The following ZUP1 variants were observed in gnomAD, a reference collection of about 807,000 sequenced individuals.
ZUP1 encodes the protein zinc finger containing ubiquitin peptidase 1.
A neutral mutation model predicts 68.1 loss-of-function variants in ZUP1; 55 were observed. The ratio of observed to expected loss-of-function variants is 0.81; its 90% confidence interval spans 0.65 to 1.01. The LOEUF is 1.01. Among genes scored for constraint, ZUP1 ranks in the 50% least tolerant of loss-of-function variants. The probability of loss-of-function intolerance (pLI) is 0.00; values close to 1 mark genes in which losing one functional copy is unlikely to be tolerated. For missense variants in ZUP1, 684 were observed against 674.9 expected, an observed-to-expected ratio of 1.01 and a Z score of -0.15; for synonymous variants, 223 against 221.5, an observed-to-expected ratio of 1.01 and a Z score of -0.06.
At chr6:116,655,903 A>G (rs1441440733) in intron 5 of ZUP1, among the ~76,000 whole-genome samples, 1 of 152,188 alleles carries the variant, frequency 6.6e-6, no homozygotes, top group Non-Finnish European at 1.5e-5. Flanking sequence ...TGGCTGCCCA[A>G]TTGAGTTGTG....
At chr6:116,656,244 T>A (rs1166527859) in intron 5 of ZUP1, among the ~76,000 whole-genome samples, 1 of 152,044 alleles carries the variant, frequency 6.6e-6, no homozygotes, top group Non-Finnish European at 1.5e-5. Flanking sequence ...CACGCCCAGC[T>A]AATTTTGTAA....
At chr6:116,659,623 A>T (rs1442904183) in intron 3 of ZUP1, among the ~76,000 whole-genome samples, 2 of 147,586 alleles carry the variant, frequency 1.4e-5, no homozygotes, top group Non-Finnish European at 2.9e-5. Flanking sequence ...AGGGGAGAAA[A>T]AAAAAAAAAT....
intron 2 of ZUP1, 34 bp downstream of exon 2, chr6:116,666,600 A>G (rs780028020): frequency 6.7e-7 from 1 of 1,497,492 alleles, no homozygotes; most frequent in Admixed American, 2.3e-5. Flanking sequence ...TTGAGGCTGT[A>G]AACTTATAAT....
chr6:116,636,037 G>T (rs1775902678), intron 9 of ZUP1, among the ~76,000 whole-genome samples, 158 bp from the exon 10 acceptor site: 2 of 151,706 alleles, frequency 1.3e-5, no homozygotes, highest in South Asian at 4.2e-4. Context: ...CTGAAATTAG[G>T]AATAAACATT....
intron 9 of ZUP1, among the ~76,000 whole-genome samples, chr6:116,638,830 T>C (rs765824675): frequency 6.6e-6 from 1 of 152,116 alleles, no homozygotes; most frequent in Non-Finnish European, 1.5e-5. Flanking sequence ...TGCCAGACAG[T>C]GGGCGCAGGA....
intron 3 of ZUP1, among the ~76,000 whole-genome samples, chr6:116,659,160 GCT>G (rs764110145): frequency 4.6e-5 from 7 of 151,978 alleles, no homozygotes; most frequent in Non-Finnish European, 1.0e-4. Context: ...ACGGAGTTTC[GCT>G]CTTATTGCCC....
intron 8 of ZUP1, 105 bp from the exon 9 acceptor site, chr6:116,646,039 TAC>T: frequency 5.2e-6 from 4 of 767,628 alleles, no homozygotes; most frequent in East Asian, 2.7e-5. Context: ...AGAATATAAA[TAC>T]AGTCAGACTC....
chr6:116,651,958 A>G, intron 6 of ZUP1, 46 bp downstream of exon 6: 1 of 1,569,854 alleles, frequency 6.4e-7, no homozygotes, highest in Non-Finnish European at 8.7e-7. Context: ...TCTATATCAT[A>G]TGTATTTTAT....
At chr6:116,636,786 A>G (rs980088945) in intron 9 of ZUP1, among the ~76,000 whole-genome samples, 3 of 152,184 alleles carry the variant, frequency 2.0e-5, no homozygotes, top group African/African-American at 7.2e-5. Context: ...ACCATAAACT[A>G]TCATATTTGT....
At chr6:116,639,466 C>T (rs1172962365) in intron 9 of ZUP1, among the ~76,000 whole-genome samples, 15 of 152,310 alleles carry the variant, frequency 9.8e-5, no homozygotes, top group Middle Eastern at 3.4e-3. Context: ...ACACCTCACA[C>T]GGCCGGGTAC....
At chr6:116,641,549 T>G (rs1248640224) in intron 9 of ZUP1, among the ~76,000 whole-genome samples, 1 of 151,484 alleles carries the variant, frequency 6.6e-6, no homozygotes, top group Non-Finnish European at 1.5e-5. Flanking sequence ...TCAAAACCAC[T>G]CAACTACATG....
At position 116,635,791 on chromosome 6, in the gene ZUP1, G is replaced by A. The variant is rs1775895246; in HGVS notation, c.*41C>T. On this transcript the variant is annotated 3_prime_UTR_variant, in exon 10 of 10. Coordinates refer to ENST00000368576, the MANE Select transcript of ZUP1 (RefSeq NM_145062.3). Reference sequence around the variant, plus strand: ...TCAATATCTACATTTAGAAAACAAAGTATTGTTCTCAATCACTGAAATGCT... The same window carrying A: ...TCAATATCTACATTTAGAAAACAAAATATTGTTCTCAATCACTGAAATGCT... 2 of 1,527,932 alleles carry A rather than the reference G, an allele frequency of 1.3e-6. No individual in the cohort carries two copies. Among genetic ancestry groups the A allele is most frequent in the South Asian group, 2.4e-5 (2 of 82,690 alleles). 94.6% of individuals were successfully genotyped at this position (1,527,932 alleles called of 1,614,324 possible).
chr6:116,645,562 A>G (rs1194525725), intron 9 of ZUP1, 152 bp downstream of exon 9: 1 of 610,330 alleles, frequency 1.6e-6, no homozygotes, highest in Non-Finnish European at 2.7e-6. Context: ...AGGCCTGGTC[A>G]ACAGAGTGAG....
At chr6:116,655,878 C>T (rs921425223) in intron 5 of ZUP1, among the ~76,000 whole-genome samples, 2 of 152,048 alleles carry the variant, frequency 1.3e-5, no homozygotes, top group East Asian at 1.9e-4. Flanking sequence ...TTGTGGCTAT[C>T]GAGAATTTGA....
At chr6:116,660,008 A>G (rs896290737) in intron 3 of ZUP1, among the ~76,000 whole-genome samples, 16 of 152,208 alleles carry the variant, frequency 1.1e-4, no homozygotes, top group African/African-American at 3.9e-4. Flanking sequence ...ATAGGTTTAC[A>G]CTGTAATATA....
intron 3 of ZUP1, among the ~76,000 whole-genome samples, chr6:116,659,160 G>A (rs575504164): frequency 6.6e-6 from 1 of 151,978 alleles, no homozygotes; most frequent in African/African-American, 2.4e-5. Flanking sequence ...ACGGAGTTTC[G>A]CTCTTATTGC....
chr6:116,641,412 A>C (rs1776093523), intron 9 of ZUP1, among the ~76,000 whole-genome samples: 1 of 152,140 alleles, frequency 6.6e-6, no homozygotes, highest in Admixed American at 6.5e-5. Context: ...CACCACACCT[A>C]TTCCAAAATT....
At chr6:116,664,231 G>A (rs1037183612) in intron 2 of ZUP1, among the ~76,000 whole-genome samples, 1 of 152,152 alleles carries the variant, frequency 6.6e-6, no homozygotes, top group Non-Finnish European at 1.5e-5. Context: ...AGGAGTTCCA[G>A]ACCAGCCTGG....
chr6:116,666,841 A>G lies in ZUP1; in HGVS notation c.352T>C (p.Phe118Leu). The G allele has an allele frequency of 6.2e-7, 1 of 1,611,028 alleles. No individual in the cohort carries two copies. Among genetic ancestry groups the G allele is most frequent in the South Asian group, 1.1e-5 (1 of 90,208 alleles). ...GATTCAGTTAAGTTCTCTGAATAGA[A>G]GCCTTCATGTTTTAAAGTACTATCT... ...TKDSTLKHEGFYSENLTESRK... is the reference protein window; with the variant it reads ...TKDSTLKHEGLYSENLTESRK... The change falls in exon 2 of 10, where the codon TTC (phenylalanine) becomes CTC (leucine). Residue 118 changes from phenylalanine to leucine, a missense_variant. Coordinates refer to ENST00000368576, the MANE Select transcript of ZUP1 (RefSeq NM_145062.3).
Sources: allele counts gnomAD v4.1 joint callset (sites outside exome capture counted in the v4.1 genomes callset), GRCh38; gene constraint gnomAD v4.1.1; transcripts MANE v1.5; gene names NCBI Gene and HGNC (gene_info 2026-07-23, HGNC 2026-07-21).